CUL2: variants seen among roughly 807,000 people sequenced by gnomAD.
CUL2 encodes the protein cullin 2.
CUL2 carries 22 observed loss-of-function variants against 110.2 expected under a neutral mutation model. The ratio of observed to expected loss-of-function variants is 0.20; its 90% CI spans 0.14 to 0.28. The LOEUF (loss-of-function observed/expected upper bound fraction) is 0.28. Ranked by LOEUF, CUL2 falls within the 10% of genes least tolerant of loss-of-function variation. The pLI is 1.00. For synonymous variants in CUL2, 279 were observed against 293.2 expected (o/e 0.95, Z 0.49); for missense variants, 631 against 905.5 (o/e 0.70, Z 3.89).
At chr10:35,046,571 G>A (rs1358195515) in intron 6 of CUL2, among the ~76,000 whole-genome samples, 1 of 152,178 alleles carries the variant, frequency 6.6e-6, no homozygotes, top group Non-Finnish European at 1.5e-5. Flanking sequence ...ACCTAAGGAT[G>A]ACAGCAAACC....
At chr10:35,124,309 C>T (rs2087713034) in intron 1 of CUL2, among the ~76,000 whole-genome samples, 1 of 152,028 alleles carries the variant, frequency 6.6e-6, no homozygotes, top group South Asian at 2.1e-4. Flanking sequence ...CAGACAAGTG[C>T]AATGGCTCAT....
chr10:35,116,064 C>T lies in CUL2; in HGVS notation c.-51+10541G>A, dbSNP rs377190044. Among the ~76,000 whole-genome samples, 21 of 151,564 alleles carry T rather than the reference C, an allele frequency of 1.4e-4. No homozygotes were observed. The East Asian group carries it at 2.9e-3, about 21-fold the overall frequency. On this transcript the variant is annotated intron_variant, in intron 1 of 5. Coordinates refer to the CUL2 transcript ENST00000685421. The stretch of plus-strand genomic sequence containing the variant: ...AAGGATAAAAAAAAATATTATGGGC[C>T]GGGCACAGCGGTTCACACCTGTAAT...
At chr10:35,024,399 C>T (rs1047717906) in intron 17 of CUL2, among the ~76,000 whole-genome samples, 2 of 152,042 alleles carry the variant, frequency 1.3e-5, no homozygotes, top group Non-Finnish European at 2.9e-5. Flanking sequence ...AAGGTTATGG[C>T]AAATGATTTT....
rs143825235 is a variant in CUL2 at position 35,074,724 on chromosome 10, T to A, written c.-22-3385A>T. ...TGGTCTCGAACTCCTGAGGCTCAAGTGATCCGCCCGCCTTGGCCTCCCAAA... is the reference window on the plus strand; with the variant it reads ...TGGTCTCGAACTCCTGAGGCTCAAGAGATCCGCCCGCCTTGGCCTCCCAAA... On this transcript the variant is annotated intron_variant, in intron 1 of 20. Transcript: ENST00000374749. Among the ~76,000 whole-genome samples the A allele has an allele frequency of 1.2e-3, 190 of 152,332 alleles. 3 individuals are homozygous for A. The East Asian group carries it at 0.032, about 26-fold the overall frequency.
intron 2 of CUL2, among the ~76,000 whole-genome samples, chr10:35,063,374 A>C (rs2086433603): frequency 6.6e-6 from 1 of 152,194 alleles, no homozygotes. Context: ...AGAATCCTAC[A>C]AAATAAGGTT....
At chr10:35,015,877 AAGTCTTTAAAGGCT>A (rs1357853688) in intron 18 of CUL2, among the ~76,000 whole-genome samples, 1 of 152,198 alleles carries the variant, frequency 6.6e-6, no homozygotes. Flanking sequence ...AAAACCTGGA[AAGTCTTTAAAGGCT>A]AGTTTCAAAA....
At chr10:35,074,180 A>T in intron 1 of CUL2, 1 of 1,535,404 alleles carries the variant, frequency 6.5e-7, no homozygotes, top group Non-Finnish European at 8.7e-7. Context: ...CAAAGACACA[A>T]AAATAACCTA....
At chr10:35,021,825 G>T (rs1300250707) in intron 17 of CUL2, among the ~76,000 whole-genome samples, 1 of 126,662 alleles carries the variant, frequency 7.9e-6, no homozygotes, top group Non-Finnish European at 1.7e-5. Context: ...GTGGGGTGAG[G>T]TGAGGCGAGG....
chr10:35,083,015 G>A (rs899443043), intron 1 of CUL2, among the ~76,000 whole-genome samples: 5 of 151,804 alleles, frequency 3.3e-5, no homozygotes, highest in African/African-American at 9.7e-5. Context: ...AAAATTAGTC[G>A]GTGTGGTGGC....
chr10:35,125,492 G>T (rs555703164), intron 1 of CUL2, among the ~76,000 whole-genome samples: 2 of 152,296 alleles, frequency 1.3e-5, no homozygotes, highest in East Asian at 3.9e-4. Flanking sequence ...ACGAAAATTA[G>T]ATTTGAACAA....
At chr10:35,078,963 G>C (rs1046672541) in intron 1 of CUL2, among the ~76,000 whole-genome samples, 2 of 152,118 alleles carry the variant, frequency 1.3e-5, no homozygotes, top group African/African-American at 4.8e-5. Flanking sequence ...AATAGGCTTA[G>C]AGCAGATTTC....
chr10:35,075,853 CAAT>C (rs1172589885), intron 1 of CUL2, among the ~76,000 whole-genome samples: 26 of 152,194 alleles, frequency 1.7e-4, no homozygotes, highest in South Asian at 1.7e-3. Flanking sequence ...GCATGATTGT[CAAT>C]AATAATTACA....
At chr10:35,035,616 T>C (rs1049189270) in intron 9 of CUL2, among the ~76,000 whole-genome samples, 2 of 152,234 alleles carry the variant, frequency 1.3e-5, no homozygotes, top group African/African-American at 4.8e-5. Context: ...GGTCTTTTCC[T>C]ATCAGTACAC....
intron 9 of CUL2, among the ~76,000 whole-genome samples, chr10:35,037,811 A>G (rs2085661905): frequency 6.6e-6 from 1 of 152,100 alleles, no homozygotes; most frequent in South Asian, 2.1e-4. Context: ...CCACTGCATT[A>G]TAGCCTGGGC....
intron 4 of CUL2, among the ~76,000 whole-genome samples, chr10:35,057,652 G>GA (rs1231881473): frequency 0.014 from 1,194 of 84,390 alleles, 16 homozygotes; most frequent in African/African-American, 0.044. Flanking sequence ...GACTCCGTCT[G>GA]AAAAAAAAAA....
intron 2 of CUL2, among the ~76,000 whole-genome samples, chr10:35,069,179 T>A (rs2086616858): frequency 1.3e-5 from 2 of 152,120 alleles, no homozygotes; most frequent in Admixed American, 6.6e-5. Flanking sequence ...TACTCTTTAA[T>A]CATTATTTTT....
Position 35,060,916 on chromosome 10 carries a change from T to A in CUL2, c.275A>T (p.Glu92Val). The A allele has an allele frequency of 6.2e-7, 1 of 1,614,020 alleles. No homozygotes were observed. Among genetic ancestry groups the A allele is most frequent in the East Asian group, 2.2e-5 (1 of 44,864 alleles). The stretch of plus-strand genomic sequence containing the variant: ...ATAGTCTGCACCCTTGCTGTATTCT[T>A]CCCAGTACCTATGATACATAACAAG... The part of the protein sequence containing the change: ...QVLVMYHRYW[E>V]EYSKGADYMD... Residue 92 changes from glutamate (E) to valine (V), a missense_variant, in exon 4 of 21, where the codon GAA (glutamate) becomes GTA (valine). This residue lies in a region of CUL2 where 338 missense variants were observed against 442.5 expected (regional missense o/e 0.76). Coordinates refer to ENST00000374749, the MANE Select transcript of CUL2 (RefSeq NM_003591.4).
chr10:35,065,357 A>T (rs2086490271), intron 2 of CUL2, among the ~76,000 whole-genome samples: 1 of 152,182 alleles, frequency 6.6e-6, no homozygotes, highest in African/African-American at 2.4e-5. Flanking sequence ...ATGATGACTC[A>T]CGCCTGTAAT....
rs370890358 is a variant in CUL2, at chr10:35,038,398, C to A, written c.877+522G>T. On this transcript the variant is annotated intron_variant, in intron 9 of 20. Transcript: ENST00000374749. ...AAAATTAGCCAGGTGTGGTGATGAG[C>A]GCCTGTAATCCCAGCTACTCAGGAG... is the stretch of plus-strand genomic sequence containing the variant. 4.3e-4 allele frequency among the ~76,000 whole-genome samples: 65 copies of A among 149,758 alleles called. 1 individual carries two copies. The East Asian group carries it at 0.011, about 26-fold the overall frequency.
Sources: allele counts gnomAD v4.1 joint callset (sites outside exome capture counted in the v4.1 genomes callset), GRCh38; gene constraint gnomAD v4.1.1; regional missense constraint gnomAD v4.1.1; transcripts MANE v1.5; gene names NCBI Gene and HGNC (gene_info 2026-07-23, HGNC 2026-07-21).